Variants in KCNQ5 observed in about 807,000 individuals in gnomAD.
KCNQ5 encodes the protein potassium voltage-gated channel subfamily KQT member 5.
KCNQ5 carries 30 observed loss-of-function variants against 98.2 expected under a neutral mutation model. That is an observed-to-expected ratio of 0.31 (90% CI 0.23 to 0.41). The LOEUF is 0.41. KCNQ5 is among the 10% of genes least tolerant of loss of function. The pLI, the probability that KCNQ5 is intolerant of heterozygous loss-of-function variation, is 1.00. For missense variants in KCNQ5, 835 were observed against 1,182.5 expected, an observed-to-expected ratio of 0.71 and a Z score of 4.31; for synonymous variants, 458 against 449.4, an observed-to-expected ratio of 1.02 and a Z score of -0.24.
chr6:72,989,615 ACT>A (rs1768983197), intron 1 of KCNQ5, among the ~76,000 whole-genome samples: 1 of 300 alleles, frequency 3.3e-3, no homozygotes, highest in Non-Finnish European at 5.3e-3. Flanking sequence ...TTGCCTGTTC[ACT>A]CTGATGATAG....
intron 1 of KCNQ5, among the ~76,000 whole-genome samples, chr6:72,838,722 G>A (rs1276577301): frequency 1.3e-5 from 2 of 151,684 alleles, no homozygotes; most frequent in Admixed American, 6.6e-5. Flanking sequence ...AGGCCGAGGC[G>A]GGCGGATCAC....
intron 11 of KCNQ5, among the ~76,000 whole-genome samples, chr6:73,180,161 G>A (rs1243072783): frequency 4.6e-5 from 7 of 152,130 alleles, no homozygotes; most frequent in Admixed American, 2.0e-4. Flanking sequence ...CCATTGTCTT[G>A]CACCATGCTT....
At chr6:73,187,047 T>A (rs1172276691) in intron 11 of KCNQ5, among the ~76,000 whole-genome samples, 7 of 151,358 alleles carry the variant, frequency 4.6e-5, no homozygotes, top group African/African-American at 1.7e-4. Context: ...TGGTGTTTAA[T>A]AACCACCAAA....
chr6:72,963,411 G>A (rs954504430), intron 1 of KCNQ5, among the ~76,000 whole-genome samples: 5 of 152,090 alleles, frequency 3.3e-5, no homozygotes, highest in African/African-American at 1.2e-4. Context: ...ACAAACCTCA[G>A]TCTTACTGGA....
intron 7 of KCNQ5, among the ~76,000 whole-genome samples, chr6:73,116,971 A>C (rs778514720): frequency 2.6e-5 from 4 of 152,210 alleles, no homozygotes; most frequent in Non-Finnish European, 5.9e-5. Flanking sequence ...TACTCCCAAA[A>C]AAACTGAATT....
At chr6:73,081,550 C>T (rs963834456) in intron 5 of KCNQ5, among the ~76,000 whole-genome samples, 1 of 152,150 alleles carries the variant, frequency 6.6e-6, no homozygotes, top group African/African-American at 2.4e-5. Context: ...GACCCTGCCT[C>T]AAAGACTCCC....
intron 5 of KCNQ5, among the ~76,000 whole-genome samples, chr6:73,101,511 G>C (rs1334433192): frequency 1.3e-5 from 2 of 152,098 alleles, no homozygotes; most frequent in Non-Finnish European, 2.9e-5. Flanking sequence ...AAAACCTAGA[G>C]TCCCCATAAA....
Position 73,198,593 on chromosome 6 carries a change from T to G in KCNQ5, c.*3179T>G, listed in dbSNP as rs1765874676. On this transcript the variant is annotated 3_prime_UTR_variant, in exon 14 of 14. Coordinates refer to ENST00000370398, the MANE Select transcript of KCNQ5 (RefSeq NM_019842.4). ...TAGAGGAAATATCATAAATATTAAC[T>G]TGTCTCCCTAGAAGCTGAGATTTTT... is the stretch of plus-strand genomic sequence containing the variant. 1 of 152,228 alleles carries G rather than the reference T, an allele frequency of 6.6e-6. No homozygotes were observed. The highest frequency in any genetic ancestry group is 2.1e-4 in the South Asian group (1 of 4,836). The allele number at this position is 152,228 out of a possible 1,614,324, so 9.4% of individuals were successfully genotyped here.
chr6:73,020,057 G>A (rs1355931814), intron 2 of KCNQ5, among the ~76,000 whole-genome samples: 2 of 151,740 alleles, frequency 1.3e-5, no homozygotes, highest in African/African-American at 2.4e-5. Flanking sequence ...CAGATGTGTG[G>A]GGGTTTTTCC....
intron 1 of KCNQ5, among the ~76,000 whole-genome samples, chr6:72,868,686 C>T (rs1346346760): frequency 2.6e-5 from 4 of 152,142 alleles, no homozygotes; most frequent in African/African-American, 9.7e-5. Context: ...GGAAAGAGAG[C>T]AACCAGTAAG....
chr6:72,987,422 G>C (rs1403027604), intron 1 of KCNQ5: 5 of 695,112 alleles, frequency 7.2e-6, no homozygotes, highest in Non-Finnish European at 1.4e-5. Flanking sequence ...CGGGAACCTA[G>C]TTTGGCCAGT....
chr6:72,820,814 A>G (rs914044321), intron 1 of KCNQ5, among the ~76,000 whole-genome samples: 2 of 152,194 alleles, frequency 1.3e-5, no homozygotes, highest in African/African-American at 4.8e-5. Flanking sequence ...ATAACAACAC[A>G]TACGGTGTTT....
intron 1 of KCNQ5, among the ~76,000 whole-genome samples, chr6:72,633,175 G>A (rs1480854921): frequency 6.6e-6 from 1 of 152,026 alleles, no homozygotes; most frequent in African/African-American, 2.4e-5. Context: ...ACTTCTCTGA[G>A]GATTAGTGAT....
intron 1 of KCNQ5, among the ~76,000 whole-genome samples, chr6:72,657,181 G>C (rs1239867804): frequency 6.6e-6 from 1 of 152,134 alleles, no homozygotes; most frequent in Non-Finnish European, 1.5e-5. Context: ...CTGCACTCCA[G>C]CCTGAATGGC....
intron 1 of KCNQ5, among the ~76,000 whole-genome samples, chr6:72,662,114 TC>T (rs1766560453): frequency 6.6e-6 from 1 of 152,160 alleles, no homozygotes; most frequent in Non-Finnish European, 1.5e-5. Context: ...CATAACTGTT[TC>T]CCTATTTAGA....
intron 1 of KCNQ5, among the ~76,000 whole-genome samples, chr6:72,983,686 A>T (rs574483742): frequency 6.6e-6 from 1 of 152,290 alleles, no homozygotes; most frequent in South Asian, 2.1e-4. Flanking sequence ...AACTTGTCAA[A>T]GTCATTCTCT....
chr6:72,698,492 C>T (rs767141984), intron 1 of KCNQ5, among the ~76,000 whole-genome samples: 2 of 151,906 alleles, frequency 1.3e-5, no homozygotes, highest in Non-Finnish European at 2.9e-5. Flanking sequence ...TGTGAGCCAC[C>T]GCACCTGGCT....
At chr6:72,846,494 T>C (rs949148226) in intron 1 of KCNQ5, among the ~76,000 whole-genome samples, 1 of 149,658 alleles carries the variant, frequency 6.7e-6, no homozygotes, top group Non-Finnish European at 1.5e-5. Flanking sequence ...GGAAACATAG[T>C]GAGACCTCAT....
At chr6:72,840,991 C>T (rs1409021659) in intron 1 of KCNQ5, among the ~76,000 whole-genome samples, 1 of 152,156 alleles carries the variant, frequency 6.6e-6, no homozygotes, top group African/African-American at 2.4e-5. Context: ...AGTATCCAGA[C>T]TATTGAGAAT....
Sources: gnomAD v4.1 joint callset for allele counts (sites outside exome capture counted in the v4.1 genomes callset) on GRCh38, gnomAD v4.1.1 for gene constraint, MANE v1.5 for transcripts, NCBI Gene and HGNC (gene_info 2026-07-23, HGNC 2026-07-21) for gene names.